Variants in PDE9A observed in about 807,000 individuals in gnomAD.
The protein encoded by PDE9A is phosphodiesterase 9A.
In PDE9A, 60 loss-of-function variants were observed where a neutral mutation model predicts 87.4. That is an observed-to-expected ratio of 0.69 (90% confidence interval 0.56 to 0.85). PDE9A has a LOEUF of 0.85. PDE9A is among the 40% of genes least tolerant of loss of function. The probability of loss-of-function intolerance (pLI) is 0.00; values close to 1 mark genes in which losing one functional copy is unlikely to be tolerated. For missense variants in PDE9A, 665 were observed against 779.0 expected (o/e 0.85, Z 1.74); for synonymous variants, 272 against 279.4 (o/e 0.97, Z 0.27).
chr21:42,675,604 C>T lies in PDE9A; in HGVS notation c.70-10588C>T, dbSNP rs530962769. ...CGCTGTGTGGATACACGGGCCCGAA[C>T]GGCGCCAGCCTCACTGCCTCTGCGT... On this transcript the variant is annotated intron_variant, in intron 1 of 19. Coordinates refer to ENST00000291539, the MANE Select transcript of PDE9A (RefSeq NM_002606.3). The surrounding 1 kb of genome is among the most constrained non-coding windows in gnomAD (Gnocchi z 4.3). Among the ~76,000 whole-genome samples the T allele has an allele frequency of 7.9e-5, 12 of 152,368 alleles. No homozygotes were observed. Among genetic ancestry groups the T allele is most frequent in the Non-Finnish European group, 1.0e-4 (7 of 68,030 alleles).
intron 8 of PDE9A, 49 bp downstream of exon 8, chr21:42,743,909 C>T: frequency 9.2e-7 from 1 of 1,081,336 alleles, no homozygotes; most frequent in Non-Finnish European, 1.4e-6. Context: ...GGAGGGCTCC[C>T]CGTACCAGTT....
At chr21:42,758,215 A>G (rs1376851144) in intron 10 of PDE9A, 1 of 152,256 alleles carries the variant, frequency 6.6e-6, no homozygotes, top group East Asian at 1.9e-4. Context: ...AAATCACTTC[A>G]TCTTTTCCTC....
intron 2 of PDE9A, 39 bp from the exon 3 acceptor site, chr21:42,687,878 C>T (rs1358827392): frequency 1.2e-5 from 19 of 1,562,796 alleles, no homozygotes; most frequent in Middle Eastern, 1.7e-4. Context: ...TCCCAGAGCA[C>T]ACTATGGGCG....
In PDE9A at chr21:42,671,117, C is replaced by G. The variant is rs569934380; in HGVS notation, c.70-15075C>G. Among the ~76,000 whole-genome samples the G allele has an allele frequency of 2.8e-4, 43 of 152,220 alleles. No individual in the cohort carries two copies. In the South Asian group the frequency reaches 6.6e-3, roughly 23 times the overall value. ...ACCGCGTGGAAACAGTGCAGATGGA[C>G]TAGCACGATACCTGAGAGGAGCTTT... On this transcript the variant is annotated intron_variant, in intron 1 of 19. Coordinates refer to ENST00000291539, the MANE Select transcript of PDE9A (RefSeq NM_002606.3).
intron 7 of PDE9A, among the ~76,000 whole-genome samples, chr21:42,743,132 C>A (rs925440600): frequency 4.6e-5 from 7 of 152,190 alleles, no homozygotes; most frequent in African/African-American, 1.7e-4. Context: ...ATGGAGCCCG[C>A]TAAGTTAGAT....
At chr21:42,710,404 A>T (rs1295727461) in intron 4 of PDE9A, among the ~76,000 whole-genome samples, 2 of 122,856 alleles carry the variant, frequency 1.6e-5, no homozygotes, top group Admixed American at 7.8e-5. Context: ...GCGAGACTCC[A>T]TCTCAAAAAA....
At chr21:42,765,675 C>G (rs1229254021) in intron 15 of PDE9A, 181 bp downstream of exon 15, 2 of 607,456 alleles carry the variant, frequency 3.3e-6, no homozygotes, top group Admixed American at 5.4e-5. Flanking sequence ...GGGCCTCCCT[C>G]CTGATGGGTC....
chr21:42,674,037 T>C (rs1184686150), intron 1 of PDE9A, among the ~76,000 whole-genome samples: 1 of 152,212 alleles, frequency 6.6e-6, no homozygotes, highest in African/African-American at 2.4e-5. Flanking sequence ...CAGATGTACA[T>C]ATAGAAACGA....
chr21:42,663,943 A>G (rs1419166808), intron 1 of PDE9A, among the ~76,000 whole-genome samples: 1 of 152,202 alleles, frequency 6.6e-6, no homozygotes, highest in Non-Finnish European at 1.5e-5. Flanking sequence ...AGGATGCTCC[A>G]GGTCCTTGCT....
chr21:42,765,546 C>G (rs763774424), intron 15 of PDE9A, 52 bp downstream of exon 15: 2 of 940,312 alleles, frequency 2.1e-6, no homozygotes, highest in Non-Finnish European at 3.5e-6. Context: ...GCTGGCGAAG[C>G]AGGTCATCCA....
In PDE9A at chr21:42,695,180, G is replaced by T. The variant is rs1407309125; in HGVS notation, c.219-3788G>T. 2.0e-5 allele frequency among the ~76,000 whole-genome samples: 3 copies of T among 152,192 alleles called. No individual in the cohort carries two copies. The highest frequency in any genetic ancestry group is 2.9e-5 in the Non-Finnish European group (2 of 68,028). ...TGGCTTCCACTCCCTTTTAGAGCTG[G>T]CAAGAAAAATAATTGATGACTAAAC... On this transcript the variant is annotated intron_variant, in intron 3 of 19. Transcript: ENST00000291539. This position sits in a 1 kb window ranked among gnomAD's most constrained non-coding sequence, Gnocchi z 4.3.
At chr21:42,749,997 G>A (rs1286315488) in intron 8 of PDE9A, among the ~76,000 whole-genome samples, 2 of 152,130 alleles carry the variant, frequency 1.3e-5, no homozygotes, top group African/African-American at 4.8e-5. Flanking sequence ...AATTAGTCAG[G>A]TGTGGCAGCA....
rs1569160975 is a variant in PDE9A at position 42,695,098 on chromosome 21, C to T, written c.219-3870C>T. Among the ~76,000 whole-genome samples the T allele has an allele frequency of 1.3e-5, 2 of 152,208 alleles. No individual in the cohort carries two copies. Among genetic ancestry groups the T allele is most frequent in the Non-Finnish European group, 2.9e-5 (2 of 68,044 alleles). On this transcript the variant is annotated intron_variant, in intron 3 of 19. Coordinates refer to ENST00000291539, the MANE Select transcript of PDE9A (RefSeq NM_002606.3). This position sits in a 1 kb window ranked among gnomAD's most constrained non-coding sequence, Gnocchi z 4.3. ...GCAATCTGGAGCACGCTCAAGCCGG[C>T]ATTTGAAATAACCTGGAACACGTTT...
rs1436119148 is a variant in PDE9A at position 42,692,985 on chromosome 21, G to A, written c.218+4991G>A. Among the ~76,000 whole-genome samples the A allele has an allele frequency of 6.6e-6, 1 of 152,202 alleles. No homozygotes were observed. The highest frequency in any genetic ancestry group is 1.5e-5 in the Non-Finnish European group (1 of 68,034). ...TCACCACATGTCCAGGAGGGAGCCG[G>A]CATCCTTTGCTGACTTTCTTGCTGT... On this transcript the variant is annotated intron_variant, in intron 3 of 19. Coordinates refer to ENST00000291539, the MANE Select transcript of PDE9A (RefSeq NM_002606.3). This position sits in a 1 kb window ranked among gnomAD's most constrained non-coding sequence, Gnocchi z 4.3.
At chr21:42,758,951 A>C in intron 10 of PDE9A, 48 bp from the exon 11 acceptor site, 1 of 1,413,442 alleles carries the variant, frequency 7.1e-7, no homozygotes, top group Non-Finnish European at 1.0e-6. Flanking sequence ...GGGGCTGGGG[A>C]GCCGGCCACA....
intron 1 of PDE9A, among the ~76,000 whole-genome samples, chr21:42,682,541 T>C (rs918396064): frequency 6.6e-6 from 1 of 152,252 alleles, no homozygotes; most frequent in Admixed American, 6.5e-5. Context: ...AAAGCCTCTG[T>C]TGTTTGCTAT....
chr21:42,758,085 A>ACT (rs1201244413), intron 10 of PDE9A: 6 of 152,246 alleles, frequency 3.9e-5, no homozygotes. Context: ...GGTGGAGGAC[A>ACT]CCTACCAGGT....
At chr21:42,773,872 A>G (rs1394955982) in intron 19 of PDE9A, among the ~76,000 whole-genome samples, 1 of 151,644 alleles carries the variant, frequency 6.6e-6, no homozygotes, top group African/African-American at 2.4e-5. Context: ...TGGGAGGCCA[A>G]GGTGGACGGA....
At chr21:42,693,961 ATT>A (rs142357918) in intron 3 of PDE9A, among the ~76,000 whole-genome samples, 14 of 147,946 alleles carry the variant, frequency 9.5e-5, no homozygotes, top group East Asian at 7.9e-4. Flanking sequence ...TTTTTAAGAG[ATT>A]TTTTTTTTTT....
Sources: allele counts gnomAD v4.1 joint callset (sites outside exome capture counted in the v4.1 genomes callset), GRCh38; gene constraint gnomAD v4.1.1; non-coding constraint Gnocchi (gnomAD v3.1); transcripts MANE v1.5; gene names NCBI Gene and HGNC (gene_info 2026-07-23, HGNC 2026-07-21).